CLVS1: variants seen among roughly 807,000 people sequenced by gnomAD.
The protein encoded by CLVS1 is clavesin-1.
CLVS1 carries 10 observed loss-of-function variants against 33.1 expected under a neutral mutation model. The observed-to-expected ratio is 0.30, with a 90% CI of 0.19 to 0.51. The LOEUF is 0.51. CLVS1 is among the 20% of genes least tolerant of loss of function. The probability of loss-of-function intolerance (pLI) is 0.97; values close to 1 mark genes in which losing one functional copy is unlikely to be tolerated. For missense variants in CLVS1, 343 were observed against 433.4 expected, an observed-to-expected ratio of 0.79 and a Z score of 1.85; for synonymous variants, 163 against 166.1, an observed-to-expected ratio of 0.98 and a Z score of 0.14.
chr8:61,155,270 A>T (rs1411861861), intron 2 of CLVS1, among the ~76,000 whole-genome samples: 1 of 152,230 alleles, frequency 6.6e-6, no homozygotes, highest in Admixed American at 6.5e-5. Context: ...GCAAGTATCT[A>T]CAAGGACTGT....
chr8:61,153,550 G>A (rs1424270464), intron 2 of CLVS1, among the ~76,000 whole-genome samples: 1 of 152,168 alleles, frequency 6.6e-6, no homozygotes, highest in Non-Finnish European at 1.5e-5. Context: ...GGCAAGGTAA[G>A]CAGGAAAATA....
rs142921476 is a variant in CLVS1, at chr8:61,450,107, A to G, written c.631-4034A>G. On this transcript the variant is annotated intron_variant, in intron 3 of 5. Transcript: ENST00000325897. Reference sequence around the variant, plus strand: ...ATTATGCTCTCATCTCAGAGGCTCTATGGGAAGAGTGATGTGTTTTAAATT... The same window carrying G: ...ATTATGCTCTCATCTCAGAGGCTCTGTGGGAAGAGTGATGTGTTTTAAATT... Among the ~76,000 whole-genome samples, 111 of 152,278 alleles carry G rather than the reference A, an allele frequency of 7.3e-4. 1 individual carries two copies. The highest frequency in any genetic ancestry group is 2.7e-3 in the African/African-American group (111 of 41,540).
At chr8:61,262,208 G>T (rs1437501409) in intron 2 of CLVS1, among the ~76,000 whole-genome samples, 2 of 151,986 alleles carry the variant, frequency 1.3e-5, no homozygotes, top group Admixed American at 6.6e-5. Context: ...TTCAGATGGG[G>T]TCTCACTGTG....
Position 61,392,901 on chromosome 8 carries a change from GA to G in CLVS1, c.630+16123del, listed in dbSNP as rs550519453. ...TCTTTTTCTTTTCTTTTTATTTTTT[GA>G]GAAAGAGTTTTGCTCTTGTTGCCCA... On this transcript the variant is annotated intron_variant, in intron 3 of 5. Coordinates refer to ENST00000325897, the MANE Select transcript of CLVS1 (RefSeq NM_173519.3). Among the ~76,000 whole-genome samples, 61 of 151,772 alleles carry G rather than the reference GA, an allele frequency of 4.0e-4. No individual in the cohort carries two copies. In the East Asian group the frequency reaches 0.011, roughly 26 times the overall value.
chr8:61,197,855 C>T (rs1441883463), intron 2 of CLVS1, among the ~76,000 whole-genome samples: 1 of 152,156 alleles, frequency 6.6e-6, no homozygotes, highest in African/African-American at 2.4e-5. Flanking sequence ...TGTGAAAGGG[C>T]AGCACCGAGT....
chr8:61,388,980 A>G (rs768060632), intron 3 of CLVS1, among the ~76,000 whole-genome samples: 15 of 151,974 alleles, frequency 9.9e-5, no homozygotes, highest in Admixed American at 2.0e-4. Context: ...CTTCTATGAG[A>G]TCAACGTTTT....
At chr8:61,134,784 G>A (rs943142188) in intron 2 of CLVS1, among the ~76,000 whole-genome samples, 1 of 152,068 alleles carries the variant, frequency 6.6e-6, no homozygotes, top group African/African-American at 2.4e-5. Context: ...CCCATCTCAG[G>A]CTAGTTGATG....
chr8:61,057,573 T>C (rs1804500922), intron 1 of CLVS1, among the ~76,000 whole-genome samples: 1 of 152,176 alleles, frequency 6.6e-6, no homozygotes, highest in Non-Finnish European at 1.5e-5. Flanking sequence ...AATCTTCTCA[T>C]TCTTATATAG....
intron 1 of CLVS1, among the ~76,000 whole-genome samples, chr8:61,298,895 T>C (rs940676290): frequency 8.5e-5 from 13 of 152,116 alleles, no homozygotes; most frequent in Admixed American, 8.5e-4. Flanking sequence ...TTATATACAA[T>C]GGAAGGATTT....
At chr8:61,032,277 C>T in the CLVS1 span, among the ~76,000 whole-genome samples, 1 of 152,182 alleles carries the variant, frequency 6.6e-6, no homozygotes, top group Admixed American at 6.5e-5. Context: ...AGAGCTGAGT[C>T]TTGTGTTAAA....
chr8:61,140,948 G>A (rs1806297276), intron 2 of CLVS1, among the ~76,000 whole-genome samples: 1 of 152,184 alleles, frequency 6.6e-6, no homozygotes, highest in Non-Finnish European at 1.5e-5. Context: ...CCTTAACTGA[G>A]TCAGGCACCT....
At chr8:61,025,171 T>C in the CLVS1 span, among the ~76,000 whole-genome samples, 7 of 152,254 alleles carry the variant, frequency 4.6e-5, no homozygotes, top group South Asian at 8.3e-4. Flanking sequence ...CAAAAGGAGT[T>C]CTCCTTCCCT....
In CLVS1 at chr8:61,057,399, CA is replaced by C. The variant is rs1277869009; in HGVS notation, c.-243+170del. 1.0e-3 allele frequency among the ~76,000 whole-genome samples: 156 copies of C among 151,502 alleles called. 2 individuals are homozygous for C. Among genetic ancestry groups the C allele is most frequent in the African/African-American group, 3.7e-3 (153 of 41,110 alleles). On this transcript the variant is annotated intron_variant, in intron 1 of 2. Transcript: ENST00000522621. Reference sequence around the variant, plus strand: ...ACACACACACACACACACACACACACACACACACACACACCCCATCCAAGGA... The same window carrying C: ...ACACACACACACACACACACACACACCACACACACACACCCCATCCAAGGA...
At chr8:61,455,517 C>T (rs1298619252) in intron 4 of CLVS1, among the ~76,000 whole-genome samples, 1 of 152,092 alleles carries the variant, frequency 6.6e-6, no homozygotes, top group Non-Finnish European at 1.5e-5. Context: ...GGTTCATCCA[C>T]ATTGTTGAAA....
At chr8:61,363,480 A>T (rs1813065865) in intron 2 of CLVS1, among the ~76,000 whole-genome samples, 4 of 152,184 alleles carry the variant, frequency 2.6e-5, no homozygotes. Flanking sequence ...CCAAGTGATA[A>T]TTCGGGATGT....
At chr8:61,143,157 C>G (rs1186551788) in intron 2 of CLVS1, among the ~76,000 whole-genome samples, 1 of 152,122 alleles carries the variant, frequency 6.6e-6, no homozygotes, top group African/African-American at 2.4e-5. Context: ...CCACATCCAC[C>G]AGACAAATCA....
chr8:61,233,558 G>C (rs376336870), intron 2 of CLVS1, among the ~76,000 whole-genome samples: 1 of 150,402 alleles, frequency 6.6e-6, no homozygotes, highest in Non-Finnish European at 1.5e-5. Flanking sequence ...AAAAGTCCAC[G>C]TCAGTCAGAT....
At chr8:60,993,845 C>G in the CLVS1 span, among the ~76,000 whole-genome samples, 26 of 152,210 alleles carry the variant, frequency 1.7e-4, no homozygotes, top group Non-Finnish European at 3.5e-4. Context: ...CTTTAGGGAG[C>G]TGGGAGATGC....
intron 1 of CLVS1, among the ~76,000 whole-genome samples, chr8:61,112,139 C>T (rs56175445): frequency 6.6e-6 from 1 of 151,480 alleles, no homozygotes; most frequent in South Asian, 2.1e-4. Context: ...ATTCCCACCA[C>T]CTATCATAAT....
Sources: allele counts gnomAD v4.1 joint callset (sites outside exome capture counted in the v4.1 genomes callset), GRCh38; gene constraint gnomAD v4.1.1; transcripts MANE v1.5; gene names NCBI Gene and HGNC (gene_info 2026-07-23, HGNC 2026-07-21).